The following FRMPD1 variants were observed in gnomAD, a reference collection of about 807,000 sequenced individuals.
The protein encoded by FRMPD1 is FERM and PDZ domain-containing protein 1.
A neutral mutation model predicts 117.8 loss-of-function variants in FRMPD1; 76 were observed. The observed-to-expected ratio is 0.65, with a 90% confidence interval of 0.54 to 0.78. FRMPD1 has a LOEUF of 0.78. Among genes scored for constraint, FRMPD1 ranks in the 30% least tolerant of loss-of-function variants. The pLI, the probability that FRMPD1 is intolerant of heterozygous loss-of-function variation, is 0.00. For synonymous variants in FRMPD1, 783 were observed against 770.4 expected (o/e 1.02, Z -0.27); for missense variants, 1,786 against 1,964.5 (o/e 0.91, Z 1.72).
At chr9:37,736,899 G>A (rs912133359) in intron 13 of FRMPD1, among the ~76,000 whole-genome samples, 197 bp from the exon 14 acceptor site, 12 of 151,802 alleles carry the variant, frequency 7.9e-5, no homozygotes, top group Admixed American at 1.3e-4. Context: ...ACACACACAC[G>A]CGATGGTGTC....
chr9:37,615,085 G>T, the FRMPD1 span, among the ~76,000 whole-genome samples: 4 of 152,016 alleles, frequency 2.6e-5, no homozygotes, highest in Non-Finnish European at 5.9e-5. Flanking sequence ...TTGCAGGGTT[G>T]CTACCTTTTC....
At chr9:37,604,542 C>T in the FRMPD1 span, among the ~76,000 whole-genome samples, 5 of 152,244 alleles carry the variant, frequency 3.3e-5, no homozygotes, top group Non-Finnish European at 7.3e-5. Flanking sequence ...CTCAGAGCAA[C>T]TCCTTCCAAA....
upstream of FRMPD1, among the ~76,000 whole-genome samples, chr9:37,650,720 G>C (rs1219396911): frequency 6.6e-6 from 1 of 152,078 alleles, no homozygotes. Context: ...GTGCCCCGGC[G>C]GTGAGCTGAG....
rs376251500 is a variant in FRMPD1 at position 37,740,914 on chromosome 9, C to T, written c.2356+30C>T. On this transcript the variant is annotated intron_variant, in intron 15 of 15. Coordinates refer to ENST00000377765, the MANE Select transcript of FRMPD1 (RefSeq NM_014907.3). The surrounding 1 kb of genome is among the most constrained non-coding windows in gnomAD (Gnocchi z 4.2). ...GCCGTCCCTTGCAGGTCTGCAGACA[C>T]GGCAGGCAGCTCCTGAGTGCCTCCC... 2.8e-5 allele frequency: 44 copies of T among 1,565,122 alleles called. No homozygotes were observed. The highest frequency in any genetic ancestry group is 1.3e-4 in the Admixed American group (8 of 59,936).
intron 4 of FRMPD1, among the ~76,000 whole-genome samples, chr9:37,710,957 C>T (rs1588948250): frequency 1.3e-5 from 1 of 76,760 alleles, no homozygotes; most frequent in Admixed American, 1.6e-4. Context: ...GACTCTGTCT[C>T]ACAAAAAAAA....
rs1278088038 is a variant in FRMPD1 at position 37,724,241 on chromosome 9, G to T, written c.533G>T (p.Cys178Phe). The T allele has an allele frequency of 1.1e-5, 18 of 1,587,566 alleles. No homozygotes were observed. The highest frequency in any genetic ancestry group is 1.6e-5 in the Non-Finnish European group (18 of 1,155,766). Residue 178 changes from cysteine to phenylalanine, a missense_variant, in exon 7 of 16, where the codon TGT becomes TTT. Physicochemically the swap from Cys to Phe is radical, Grantham distance 205 (BLOSUM62 -2). Coordinates refer to ENST00000377765, the MANE Select transcript of FRMPD1 (RefSeq NM_014907.3). ...GTTTTCCAGGGTAATTCTCTGCTGT[G>T]TATGCCCAACGTGCTCAAGCTATAC... ...SGHSQGNSLLCMPNVLKLYLE... is the reference protein window; with the variant it reads ...SGHSQGNSLLFMPNVLKLYLE...
intron 10 of FRMPD1, 122 bp downstream of exon 10, chr9:37,732,562 C>T (rs1655873886): frequency 3.1e-6 from 3 of 958,156 alleles, no homozygotes; most frequent in Admixed American, 3.0e-5. Context: ...GTCTTTCCAT[C>T]CATTTCCCTC....
At chr9:37,731,593 C>T (rs1028356233) in intron 9 of FRMPD1, among the ~76,000 whole-genome samples, 16 of 152,078 alleles carry the variant, frequency 1.1e-4, no homozygotes, top group African/African-American at 3.4e-4. Flanking sequence ...CATTTGGAGC[C>T]GGGTGCGGTA....
chr9:37,683,840 T>C (rs918467013), intron 1 of FRMPD1, among the ~76,000 whole-genome samples: 1 of 135,606 alleles, frequency 7.4e-6, no homozygotes, highest in Non-Finnish European at 1.5e-5. Context: ...CAGAGTGTTG[T>C]GTGGGGGAGA....
chr9:37,638,517 C>T, the FRMPD1 span, among the ~76,000 whole-genome samples: 1 of 152,210 alleles, frequency 6.6e-6, no homozygotes, highest in Non-Finnish European at 1.5e-5. Context: ...GAACTGATCC[C>T]ATTTTAGTAA....
chr9:37,626,373 C>T, the FRMPD1 span, among the ~76,000 whole-genome samples: 1 of 151,158 alleles, frequency 6.6e-6, no homozygotes, highest in Non-Finnish European at 1.5e-5. Context: ...GGCGTTGTGG[C>T]ACGTGTCTGT....
the FRMPD1 span, among the ~76,000 whole-genome samples, chr9:37,620,927 T>C: frequency 1.3e-5 from 2 of 152,226 alleles, no homozygotes; most frequent in African/African-American, 2.4e-5. Flanking sequence ...AGTGCTAGGC[T>C]CATAAGATGA....
intron 10 of FRMPD1, among the ~76,000 whole-genome samples, chr9:37,732,774 C>T (rs997881751): frequency 3.3e-5 from 5 of 152,120 alleles, no homozygotes; most frequent in East Asian, 1.9e-4. Flanking sequence ...TAATTTTTCC[C>T]GTGGATATGA....
At chr9:37,631,701 T>C in the FRMPD1 span, among the ~76,000 whole-genome samples, 1 of 152,292 alleles carries the variant, frequency 6.6e-6, no homozygotes, top group East Asian at 1.9e-4. Context: ...CCTCCTGGGC[T>C]CAAGCAATCC....
intron 5 of FRMPD1, among the ~76,000 whole-genome samples, chr9:37,717,420 T>C (rs1217159035): frequency 2.8e-5 from 4 of 144,710 alleles, no homozygotes; most frequent in African/African-American, 7.6e-5. Flanking sequence ...TCCTCTGTCA[T>C]CCAGGCTGGA....
intron 13 of FRMPD1, among the ~76,000 whole-genome samples, chr9:37,736,027 G>T (rs1356303581): frequency 6.8e-6 from 1 of 146,110 alleles, no homozygotes; most frequent in Non-Finnish European, 1.5e-5. Context: ...TTGAGACAGA[G>T]TCTCACTCTG....
chr9:37,644,480 C>T, the FRMPD1 span, among the ~76,000 whole-genome samples: 1 of 152,146 alleles, frequency 6.6e-6, no homozygotes, highest in Non-Finnish European at 1.5e-5. Flanking sequence ...TCCTATGCCC[C>T]ATTCACTGTA....
chr9:37,650,262 A>G (rs12340152), upstream of FRMPD1, among the ~76,000 whole-genome samples: 1 of 151,932 alleles, frequency 6.6e-6, no homozygotes, highest in Non-Finnish European at 1.5e-5. Flanking sequence ...GAACCAGGGG[A>G]GTGGGTGAGA....
chr9:37,627,592 C>T, the FRMPD1 span, among the ~76,000 whole-genome samples: 1 of 152,262 alleles, frequency 6.6e-6, no homozygotes, highest in East Asian at 1.9e-4. Flanking sequence ...CCTGCCTCAG[C>T]CTGCTGAGTA....
Sources: gnomAD v4.1 joint callset for allele counts (sites outside exome capture counted in the v4.1 genomes callset) on GRCh38, gnomAD v4.1.1 for gene constraint, Gnocchi (gnomAD v3.1) non-coding constraint, MANE v1.5 for transcripts, NCBI Gene and HGNC (gene_info 2026-07-23, HGNC 2026-07-21) for gene names.